Variants in HIVEP3 observed in about 807,000 individuals in gnomAD.
HIVEP3 encodes HIVEP zinc finger 3.
In HIVEP3, 49 loss-of-function variants were observed where a neutral mutation model predicts 152.8. The ratio of observed to expected loss-of-function variants is 0.32; its 90% CI spans 0.26 to 0.41. The LOEUF (loss-of-function observed/expected upper bound fraction) is 0.41. Ranked by LOEUF, HIVEP3 falls within the 10% of genes least tolerant of loss-of-function variation. The probability of loss-of-function intolerance (pLI) is 1.00; values close to 1 mark genes in which losing one functional copy is unlikely to be tolerated. For missense variants in HIVEP3, 2,790 were observed against 3,103.3 expected, an observed-to-expected ratio of 0.90 and a Z score of 2.40; for synonymous variants, 1,269 against 1,289.0, an observed-to-expected ratio of 0.98 and a Z score of 0.33.
chr1:41,827,804 T>C (rs1642846896), intron 1 of HIVEP3, among the ~76,000 whole-genome samples: 1 of 152,088 alleles, frequency 6.6e-6, no homozygotes, highest in African/African-American at 2.4e-5. Flanking sequence ...CACTGGGCAA[T>C]TTCATCAGGA....
At chr1:41,624,805 C>T (rs1218264849) in intron 3 of HIVEP3, among the ~76,000 whole-genome samples, 1 of 152,134 alleles carries the variant, frequency 6.6e-6, no homozygotes, top group Non-Finnish European at 1.5e-5. Context: ...AACTGAAGAC[C>T]ATTCTGTGGC....
At chr1:41,879,014 C>G (rs1644219659) in intron 1 of HIVEP3, among the ~76,000 whole-genome samples, 1 of 151,522 alleles carries the variant, frequency 6.6e-6, no homozygotes, top group Non-Finnish European at 1.5e-5. Flanking sequence ...GGTTTTACTT[C>G]CCAGGTCATC....
Position 41,605,288 on chromosome 1 carries a change from G to A in HIVEP3, c.-521-19970C>T, listed in dbSNP as rs371464562. The stretch of plus-strand genomic sequence containing the variant: ...AATGGGGCAGGTGGGTATTTACTCC[G>A]AAGGGGCATGAAGCAGTTTTCTGGG... On this transcript the variant is annotated intron_variant, in intron 3 of 8. Coordinates refer to ENST00000372583, the MANE Select transcript of HIVEP3 (RefSeq NM_024503.5). 3.1e-4 allele frequency among the ~76,000 whole-genome samples: 47 copies of A among 151,592 alleles called. 1 individual carries two copies. The highest frequency in any genetic ancestry group is 1.3e-3 in the Admixed American group (20 of 15,210).
At chr1:41,987,856 C>T (rs899511499) in intron 1 of HIVEP3, among the ~76,000 whole-genome samples, 1 of 152,168 alleles carries the variant, frequency 6.6e-6, no homozygotes, top group African/African-American at 2.4e-5. Flanking sequence ...GCACCTTCTT[C>T]ACTAAGCAGC....
intron 7 of HIVEP3, 85 bp downstream of exon 7, chr1:41,518,317 A>G: frequency 8.8e-7 from 1 of 1,137,140 alleles, no homozygotes; most frequent in Non-Finnish European, 1.3e-6. Flanking sequence ...ACAGAAAGGA[A>G]GCAGGGAAGG....
At chr1:41,647,958 C>T (rs556647933) in intron 2 of HIVEP3, among the ~76,000 whole-genome samples, 76 of 152,362 alleles carry the variant, frequency 5.0e-4, no homozygotes, top group Non-Finnish European at 2.8e-4. Context: ...CTGCCAGCCC[C>T]CAGCCCAGTC....
At chr1:41,621,223 AC>A (rs1167255927) in intron 3 of HIVEP3, among the ~76,000 whole-genome samples, 1 of 152,094 alleles carries the variant, frequency 6.6e-6, no homozygotes, top group Admixed American at 6.5e-5. Flanking sequence ...CACGGCCTTG[AC>A]CCCCTTCAGC....
At chr1:41,595,225 A>C (rs35133658) in intron 3 of HIVEP3, among the ~76,000 whole-genome samples, 3,576 of 152,298 alleles carry the variant, frequency 0.023, 85 homozygotes, top group Non-Finnish European at 0.032. Context: ...GCCTTCTCCC[A>C]GTCCACCCCA....
intron 2 of HIVEP3, among the ~76,000 whole-genome samples, chr1:41,687,636 C>T (rs986583937): frequency 8.5e-5 from 13 of 152,198 alleles, no homozygotes; most frequent in African/African-American, 2.7e-4. Flanking sequence ...AGGTGCACGG[C>T]GATGCTGGGA....
chr1:41,864,361 T>C (rs147958848), intron 1 of HIVEP3, among the ~76,000 whole-genome samples: 87 of 152,100 alleles, frequency 5.7e-4, no homozygotes, highest in Non-Finnish European at 1.1e-3. Flanking sequence ...GATAAGAAAA[T>C]GAAGATGCAG....
chr1:41,707,797 G>A (rs1646456154), intron 1 of HIVEP3, among the ~76,000 whole-genome samples: 1 of 152,216 alleles, frequency 6.6e-6, no homozygotes, highest in South Asian at 2.1e-4. Context: ...AGAGTTGTGG[G>A]AAGAATAAAA....
In HIVEP3 at chr1:41,758,545, C is replaced by T. The variant is rs144912310; in HGVS notation, c.-800-57550G>A. ...GGAAGCTTTATAAAATATAGATTTC[C>T]GACCTTGGAACCCAAGTCTCTGGGG... On this transcript the variant is annotated intron_variant, in intron 1 of 8. Coordinates refer to ENST00000372583, the MANE Select transcript of HIVEP3 (RefSeq NM_024503.5). Among the ~76,000 whole-genome samples the T allele has an allele frequency of 2.9e-3, 449 of 152,266 alleles. 2 individuals are homozygous for T. The highest frequency in any genetic ancestry group is 0.01 in the African/African-American group (436 of 41,566).
At position 42,024,494 on chromosome 1, in the gene HIVEP3, T is replaced by C. The variant is rs375014841; in HGVS notation, n.119+11313A>G. 2.0e-4 allele frequency among the ~76,000 whole-genome samples: 30 copies of C among 152,358 alleles called. No individual in the cohort carries two copies. The East Asian group carries it at 3.1e-3, about 16-fold the overall frequency. On this transcript the variant is annotated intron_variant and non_coding_transcript_variant, in intron 1 of 3. Coordinates refer to the HIVEP3 transcript ENST00000489103. ...CATTGTTAATTTATCAGCCTGAAGA[T>C]AGTCATTATCTTTACTCTCCTTCCA... is the stretch of plus-strand genomic sequence containing the variant.
chr1:41,571,405 G>T (rs891898386), intron 5 of HIVEP3, among the ~76,000 whole-genome samples: 18 of 152,378 alleles, frequency 1.2e-4, no homozygotes, highest in African/African-American at 4.1e-4. Context: ...ATGCACAGGT[G>T]CTGGGTGAGA....
At chr1:41,732,832 C>T (rs1646861721) in intron 1 of HIVEP3, among the ~76,000 whole-genome samples, 1 of 152,114 alleles carries the variant, frequency 6.6e-6, no homozygotes, top group Non-Finnish European at 1.5e-5. Flanking sequence ...GAGGGCCCTG[C>T]AGGGATCAGA....
chr1:41,799,669 T>A (rs1558280016), intron 1 of HIVEP3, among the ~76,000 whole-genome samples: 2 of 152,096 alleles, frequency 1.3e-5, no homozygotes, highest in Admixed American at 6.5e-5. Flanking sequence ...CCTCTTTTTT[T>A]AAAAAAAGTT....
intron 1 of HIVEP3, among the ~76,000 whole-genome samples, chr1:41,977,646 G>A (rs191674701): frequency 6.6e-6 from 1 of 152,352 alleles, no homozygotes. Context: ...GAGGTCTGAG[G>A]AGTAATATAT....
intron 2 of HIVEP3, among the ~76,000 whole-genome samples, chr1:41,672,711 A>C (rs1432192685): frequency 6.6e-6 from 1 of 152,176 alleles, no homozygotes; most frequent in Non-Finnish European, 1.5e-5. Flanking sequence ...CCCAGCCTTG[A>C]GGGCAGGGCT....
chr1:41,571,523 C>G (rs1644251799), intron 5 of HIVEP3, among the ~76,000 whole-genome samples: 1 of 152,178 alleles, frequency 6.6e-6, no homozygotes, highest in African/African-American at 2.4e-5. Context: ...TGCCAGGAAA[C>G]TAGTGCAATA....
Sources: gnomAD v4.1 joint callset for allele counts (sites outside exome capture counted in the v4.1 genomes callset) on GRCh38, gnomAD v4.1.1 for gene constraint, MANE v1.5 for transcripts, NCBI Gene and HGNC (gene_info 2026-07-23, HGNC 2026-07-21) for gene names.